The following ASIC2 variants were observed in gnomAD, a reference collection of about 807,000 sequenced individuals.
ASIC2 encodes acid-sensing ion channel 2.
In ASIC2, 25 loss-of-function variants were observed where a neutral mutation model predicts 57.3. The observed-to-expected ratio is 0.44, with a 90% confidence interval of 0.32 to 0.61. The LOEUF is 0.61. ASIC2 is among the 20% of genes least tolerant of loss of function. The pLI is 0.06. For missense variants in ASIC2, 641 were observed against 738.1 expected (o/e 0.87, Z 1.52); for synonymous variants, 319 against 307.5 (o/e 1.04, Z -0.39).
chr17:33,893,555 C>T (rs1915016566), intron 1 of ASIC2, among the ~76,000 whole-genome samples: 1 of 152,188 alleles, frequency 6.6e-6, no homozygotes, highest in South Asian at 2.1e-4. Context: ...GTCCAGGATT[C>T]CTGGGAAAGA....
At chr17:33,918,227 G>A (rs1026197624) in intron 1 of ASIC2, among the ~76,000 whole-genome samples, 1 of 151,952 alleles carries the variant, frequency 6.6e-6, no homozygotes, top group Non-Finnish European at 1.5e-5. Flanking sequence ...TAAATCTTTT[G>A]CTGATTATCT....
chr17:33,030,873 A>G (rs1244800409), intron 3 of ASIC2, among the ~76,000 whole-genome samples: 1 of 152,128 alleles, frequency 6.6e-6, no homozygotes, highest in Non-Finnish European at 1.5e-5. Flanking sequence ...CTTAGTCATA[A>G]TTTATTATCC....
At chr17:33,417,963 T>C (rs976611114) in intron 1 of ASIC2, among the ~76,000 whole-genome samples, 1 of 151,290 alleles carries the variant, frequency 6.6e-6, no homozygotes, top group Non-Finnish European at 1.5e-5. Context: ...TCAACCCTAT[T>C]TTGTTGACCC....
intron 1 of ASIC2, among the ~76,000 whole-genome samples, chr17:34,119,790 G>C (rs553033409): frequency 6.6e-6 from 1 of 152,122 alleles, no homozygotes; most frequent in Non-Finnish European, 1.5e-5. Flanking sequence ...CACAATTCCC[G>C]TCTGTTATGA....
chr17:33,628,262 T>C (rs1295865728), intron 1 of ASIC2, among the ~76,000 whole-genome samples: 1 of 151,952 alleles, frequency 6.6e-6, no homozygotes, highest in African/African-American at 2.4e-5. Context: ...AATCAGAAAG[T>C]AATTGATTTT....
At chr17:33,082,005 C>T (rs1319930124) in intron 3 of ASIC2, among the ~76,000 whole-genome samples, 1 of 152,068 alleles carries the variant, frequency 6.6e-6, no homozygotes. Flanking sequence ...TAGGCATTCT[C>T]AGGGCACTTT....
chr17:33,372,870 G>A (rs1190473553), intron 1 of ASIC2, among the ~76,000 whole-genome samples: 4 of 152,208 alleles, frequency 2.6e-5, no homozygotes, highest in African/African-American at 9.6e-5. Flanking sequence ...GGAAGGACAG[G>A]CTTGGCCAGG....
At chr17:33,919,048 C>T (rs1915651179) in intron 1 of ASIC2, among the ~76,000 whole-genome samples, 1 of 152,176 alleles carries the variant, frequency 6.6e-6, no homozygotes, top group African/African-American at 2.4e-5. Flanking sequence ...CCTGCCCCAC[C>T]AGAGTTCCTG....
chr17:34,140,710 A>T (rs887562898), intron 1 of ASIC2, among the ~76,000 whole-genome samples: 1 of 152,210 alleles, frequency 6.6e-6, no homozygotes, highest in Admixed American at 6.5e-5. Flanking sequence ...ATCAGACTGT[A>T]ACCTATTGAA....
At chr17:33,070,831 AG>A (rs1246913293) in intron 3 of ASIC2, among the ~76,000 whole-genome samples, 1 of 151,766 alleles carries the variant, frequency 6.6e-6, no homozygotes, top group Non-Finnish European at 1.5e-5. Flanking sequence ...TATATGTCTG[AG>A]AAGACTTATT....
At chr17:33,037,481 C>T (rs2091913971) in intron 3 of ASIC2, among the ~76,000 whole-genome samples, 1 of 148,538 alleles carries the variant, frequency 6.7e-6, no homozygotes. Context: ...CCATCAGCGT[C>T]TCTGAAGCCT....
intron 1 of ASIC2, among the ~76,000 whole-genome samples, chr17:33,464,295 G>C (rs1214981450): frequency 6.6e-6 from 1 of 152,132 alleles, no homozygotes; most frequent in African/African-American, 2.4e-5. Flanking sequence ...AGGCTCCCTT[G>C]GTTGGAGGGA....
intron 1 of ASIC2, among the ~76,000 whole-genome samples, chr17:33,268,576 A>G (rs1461764873): frequency 6.6e-6 from 1 of 152,234 alleles, no homozygotes; most frequent in Non-Finnish European, 1.5e-5. Context: ...GCTAAGTAAC[A>G]CAACACAGGT....
At position 33,395,792 on chromosome 17, in the gene ASIC2, A is replaced by G. The variant is rs1364170003; in HGVS notation, c.556-283725T>C. ...GGGGCAAGGCAAGTGTGATTTTCCC[A>G]TGAGATGCCTGGTAATTTGGAAGAA... is the stretch of plus-strand genomic sequence containing the variant. On this transcript the variant is annotated intron_variant, in intron 1 of 9. Coordinates refer to the ASIC2 transcript ENST00000359872. 5.1e-4 allele frequency among the ~76,000 whole-genome samples: 77 copies of G among 152,232 alleles called. 1 individual carries two copies. The highest frequency in any genetic ancestry group is 5.9e-5 in the Non-Finnish European group (4 of 68,032).
chr17:33,607,818 G>A (rs1002400549), intron 1 of ASIC2, among the ~76,000 whole-genome samples: 14 of 152,150 alleles, frequency 9.2e-5, no homozygotes, highest in African/African-American at 2.2e-4. Context: ...TCTGGGCACC[G>A]CATTCTTAGA....
chr17:33,418,273 C>T (rs796636508), intron 1 of ASIC2, among the ~76,000 whole-genome samples: 47 of 152,074 alleles, frequency 3.1e-4, no homozygotes, highest in African/African-American at 1.1e-3. Context: ...AGCACCAAAC[C>T]CCATCCTAAT....
At chr17:34,099,113 AGAGAGAGAGAGAGAGAGAGAGAGAG>A (rs1567820551) in intron 1 of ASIC2, among the ~76,000 whole-genome samples, 979 of 34,860 alleles carry the variant, frequency 0.028, 4 homozygotes, top group Middle Eastern at 0.056. Context: ...AGAGAGAGAG[AGAGAGAGAGAGAGAGAGAGAGAGAG>A]AGAGAGACAG....
At chr17:33,987,961 G>A (rs1031125428) in intron 1 of ASIC2, among the ~76,000 whole-genome samples, 7 of 152,190 alleles carry the variant, frequency 4.6e-5, no homozygotes, top group Non-Finnish European at 7.3e-5. Context: ...TCTTTTGACA[G>A]CATGTAATTT....
intron 2 of ASIC2, among the ~76,000 whole-genome samples, chr17:33,098,927 A>C (rs1418262483): frequency 6.6e-6 from 1 of 150,672 alleles, no homozygotes; most frequent in East Asian, 1.9e-4. Flanking sequence ...CACACACACA[A>C]AATATATATA....
Sources: gnomAD v4.1 joint callset for allele counts (sites outside exome capture counted in the v4.1 genomes callset) on GRCh38, gnomAD v4.1.1 for gene constraint, MANE v1.5 for transcripts, NCBI Gene and HGNC (gene_info 2026-07-23, HGNC 2026-07-21) for gene names.